The following LRRC49 variants were observed in gnomAD, a reference collection of about 807,000 sequenced individuals.
LRRC49 encodes leucine-rich repeat-containing protein 49.
A neutral mutation model predicts 83.3 loss-of-function variants in LRRC49; 50 were observed. The ratio of observed to expected loss-of-function variants is 0.60; its 90% CI spans 0.48 to 0.76. The LOEUF (loss-of-function observed/expected upper bound fraction) is 0.76. Ranked by LOEUF, LRRC49 falls within the 30% of genes least tolerant of loss-of-function variation. LRRC49 has a pLI of 0.00. For synonymous variants in LRRC49, 286 were observed against 283.3 expected (o/e 1.01, Z -0.10); for missense variants, 704 against 809.1 (o/e 0.87, Z 1.58).
At chr15:70,907,557 A>T (rs1403514523) in intron 5 of LRRC49, 1 of 158,800 alleles carries the variant, frequency 6.3e-6, no homozygotes, top group Non-Finnish European at 1.4e-5. Context: ...TTTTCTTCTG[A>T]TCACCCAGGA....
intron 1 of LRRC49, chr15:70,853,655 C>T (rs1262077872): frequency 6.1e-6 from 2 of 325,886 alleles, no homozygotes; most frequent in Non-Finnish European, 1.1e-5. Context: ...CCCCTCAGAT[C>T]CCGGCCGCCA....
intron 1 of LRRC49, among the ~76,000 whole-genome samples, chr15:70,865,154 C>A (rs2032882768): frequency 6.6e-6 from 1 of 152,122 alleles, no homozygotes; most frequent in Non-Finnish European, 1.5e-5. Flanking sequence ...GGTGTGGGCC[C>A]CATGCCTGGC....
At chr15:70,877,856 G>A (rs2033183638) in intron 2 of LRRC49, among the ~76,000 whole-genome samples, 2 of 152,188 alleles carry the variant, frequency 1.3e-5, no homozygotes, top group Admixed American at 1.3e-4. Context: ...GTGGCTGGGC[G>A]CGGTGGCTCA....
intron 8 of LRRC49, among the ~76,000 whole-genome samples, chr15:70,962,438 CA>C (rs2036635488): frequency 6.6e-6 from 1 of 152,086 alleles, no homozygotes; most frequent in South Asian, 2.1e-4. Flanking sequence ...GAAATGACCC[CA>C]CAGTAGCAAG....
Position 70,963,875 on chromosome 15 carries a change from A to G in LRRC49, c.864A>G (p.Lys288=). The G allele has an allele frequency of 6.2e-7, 1 of 1,613,622 alleles. No homozygotes were observed. The highest frequency in any genetic ancestry group is 2.2e-5 in the East Asian group (1 of 44,860). Residue 288 remains lysine, a synonymous_variant, in exon 9 of 16, where the codon AAA becomes AAG. Coordinates refer to ENST00000260382, the MANE Select transcript of LRRC49 (RefSeq NM_017691.5). The part of the protein sequence containing the change: ...GNPIAQESWY[K]HTVLQNMMQL... ...CCATAGCTCAAGAGTCATGGTACAA[A>G]CACACTGTCCTTCAGAATATGATGC...
chr15:70,975,819 CAT>C (rs981049333), intron 9 of LRRC49, among the ~76,000 whole-genome samples: 2 of 152,150 alleles, frequency 1.3e-5, no homozygotes, highest in Non-Finnish European at 2.9e-5. Context: ...GAGCTCATCT[CAT>C]GTGTACGTTT....
chr15:70,986,024 T>A (rs2037601056), intron 11 of LRRC49, among the ~76,000 whole-genome samples: 2 of 151,864 alleles, frequency 1.3e-5, no homozygotes, highest in Middle Eastern at 3.4e-3. Context: ...GCTGTTTTGG[T>A]TATTGTAGCC....
chr15:71,016,712 T>C (rs2038838656), intron 14 of LRRC49, among the ~76,000 whole-genome samples: 1 of 151,894 alleles, frequency 6.6e-6, no homozygotes, highest in Non-Finnish European at 1.5e-5. Context: ...AATAAGCTGT[T>C]GAAAATAGTA....
intron 9 of LRRC49, among the ~76,000 whole-genome samples, chr15:70,970,603 C>T (rs1229055092): frequency 6.6e-6 from 1 of 152,122 alleles, no homozygotes; most frequent in South Asian, 2.1e-4. Flanking sequence ...AGCTGTGAAT[C>T]CATCTGGTCC....
intron 1 of LRRC49, among the ~76,000 whole-genome samples, chr15:70,853,721 C>G (rs1392470186): frequency 6.6e-6 from 1 of 152,174 alleles, no homozygotes; most frequent in African/African-American, 2.4e-5. Context: ...CGGCTGCCTC[C>G]ACGGGCCGGT....
At chr15:70,937,952 A>AT (rs983616595) in intron 8 of LRRC49, among the ~76,000 whole-genome samples, 5 of 151,792 alleles carry the variant, frequency 3.3e-5, no homozygotes, top group African/African-American at 1.2e-4. Flanking sequence ...AGGGTCACTC[A>AT]TTTTTTTTAG....
At chr15:70,892,286 G>C (rs775449725), upstream of LRRC49, 13 of 1,554,654 alleles carry the variant, frequency 8.4e-6, no homozygotes, top group South Asian at 1.2e-5. Context: ...GGCCGTCTTC[G>C]GTGCGCGGGA....
chr15:70,990,129 GCTGCGTGCTGGGAGAACCA>G (rs1190560161), intron 11 of LRRC49, among the ~76,000 whole-genome samples: 1 of 152,308 alleles, frequency 6.6e-6, no homozygotes, highest in East Asian at 1.9e-4. Flanking sequence ...CAGATCTCCA[GCTGCGTGCTGGGAGAACCA>G]CTGCTGTCTT....
At chr15:71,035,631 A>G (rs980328853) in intron 14 of LRRC49, among the ~76,000 whole-genome samples, 7 of 152,132 alleles carry the variant, frequency 4.6e-5, no homozygotes, top group Non-Finnish European at 1.0e-4. Flanking sequence ...TTTGCTGAGA[A>G]TGATGGTTTC....
At chr15:71,043,438 A>C (rs1403447126) in intron 15 of LRRC49, among the ~76,000 whole-genome samples, 1 of 152,222 alleles carries the variant, frequency 6.6e-6, no homozygotes. Flanking sequence ...ATTGTGAGAC[A>C]AAAAGAGATG....
chr15:70,939,513 C>G (rs1231679386), intron 8 of LRRC49, among the ~76,000 whole-genome samples: 1 of 152,052 alleles, frequency 6.6e-6, no homozygotes, highest in Non-Finnish European at 1.5e-5. Context: ...GGTTAATTTG[C>G]TGATTTGTCA....
At chr15:70,875,789 G>A (rs1415673751) in intron 2 of LRRC49, among the ~76,000 whole-genome samples, 1 of 152,200 alleles carries the variant, frequency 6.6e-6, no homozygotes, top group East Asian at 1.9e-4. Flanking sequence ...GCGTCTTGGA[G>A]CCTAGATTGG....
chr15:70,895,603 C>T lies in LRRC49; in HGVS notation c.106-246C>T. The T allele has an allele frequency of 8.2e-6, 3 of 365,990 alleles. 1 individual carries two copies. Among genetic ancestry groups the T allele is most frequent in the Middle Eastern group, 7.9e-4 (1 of 1,266 alleles). The allele number at this position is 365,990 out of a possible 1,614,324, so 22.7% of individuals were successfully genotyped here. A position where few individuals can be genotyped will look rare whatever the true frequency, so the allele number is the denominator to read the frequency against. On this transcript the variant is annotated intron_variant, in intron 2 of 15. Transcript: ENST00000260382. ...ATCATTCCAAATGGAATCCCTGTAC[C>T]CATTAAGCAGTTACTTCCCATTCCC...
chr15:70,863,495 A>G (rs1201613726), intron 1 of LRRC49, among the ~76,000 whole-genome samples: 1 of 152,242 alleles, frequency 6.6e-6, no homozygotes, highest in Non-Finnish European at 1.5e-5. Context: ...GGAGGAGCCC[A>G]AACTATGACC....
Sources: allele counts gnomAD v4.1 joint callset (sites outside exome capture counted in the v4.1 genomes callset), GRCh38; gene constraint gnomAD v4.1.1; transcripts MANE v1.5; gene names NCBI Gene and HGNC (gene_info 2026-07-23, HGNC 2026-07-21).